The following PTPN14 variants were observed in gnomAD, a reference collection of about 807,000 sequenced individuals.
PTPN14 encodes protein tyrosine phosphatase non-receptor type 14.
Under a neutral mutation model 126.8 loss-of-function variants are expected in PTPN14, and 53 were observed. That is an observed-to-expected ratio of 0.42 (90% confidence interval 0.34 to 0.53). The LOEUF is 0.53. PTPN14 is among the 20% of genes least tolerant of loss of function. The pLI is 0.08. For synonymous variants in PTPN14, 630 were observed against 599.3 expected (o/e 1.05, Z -0.75); for missense variants, 1,257 against 1,552.9 (o/e 0.81, Z 3.20).
In PTPN14 at chr1:214,383,266, T is replaced by C. The variant is rs750378574; in HGVS notation, c.2544+45A>G. 1.9e-6 allele frequency: 3 copies of C among 1,578,746 alleles called. No individual in the cohort carries two copies. The South Asian group carries it at 3.5e-5, about 18-fold the overall frequency. ...TGCCCCTTGCTCAGTGCCTGAAGCA[T>C]GTGCTTTCACACTGGAAAATGCCCT... is the stretch of plus-strand genomic sequence containing the variant. On this transcript the variant is annotated intron_variant, in intron 13 of 18. Transcript: ENST00000366956. This position sits in a 1 kb window ranked among gnomAD's most constrained non-coding sequence, Gnocchi z 4.4.
chr1:214,390,901 G>T, intron 11 of PTPN14, 87 bp downstream of exon 11: 2 of 1,141,054 alleles, frequency 1.8e-6, no homozygotes, highest in Non-Finnish European at 2.4e-6. Flanking sequence ...ACCTCATCAT[G>T]ATGCCCTCAT....
rs1313408265 is a variant in PTPN14, at chr1:214,356,773, G to A, written c.*1149C>T. On this transcript the variant is annotated 3_prime_UTR_variant, in exon 19 of 19. Transcript: ENST00000366956. Reference sequence around the variant, plus strand: ...CCTGAAGATGATATCAGCACAGCGGGGGTCACATTTGATGTGTTTCCTGGC... The same window carrying A: ...CCTGAAGATGATATCAGCACAGCGGAGGTCACATTTGATGTGTTTCCTGGC... 2.0e-5 allele frequency: 3 copies of A among 152,276 alleles called. No homozygotes were observed. The highest frequency in any genetic ancestry group is 4.4e-5 in the Non-Finnish European group (3 of 68,040). 9.4% of individuals were successfully genotyped at this position (152,276 alleles called of 1,614,324 possible).
At chr1:214,449,411 C>T (rs975951833) in intron 3 of PTPN14, among the ~76,000 whole-genome samples, 7 of 152,158 alleles carry the variant, frequency 4.6e-5, no homozygotes, top group Non-Finnish European at 1.0e-4. Flanking sequence ...ATAGGCCTTA[C>T]AGGATAGGTC....
chr1:214,499,613 C>T (rs1370831066), intron 1 of PTPN14, among the ~76,000 whole-genome samples: 1 of 152,072 alleles, frequency 6.6e-6, no homozygotes, highest in Non-Finnish European at 1.5e-5. Flanking sequence ...GTATCTCTTC[C>T]CTCAAAAGAA....
intron 4 of PTPN14, among the ~76,000 whole-genome samples, chr1:214,413,118 C>T (rs1344552093): frequency 6.6e-6 from 1 of 152,170 alleles, no homozygotes; most frequent in Non-Finnish European, 1.5e-5. Context: ...TTCAAGTAAT[C>T]CTCTTGCCTT....
intron 1 of PTPN14, among the ~76,000 whole-genome samples, chr1:214,510,499 C>T (rs1389699828): frequency 6.6e-6 from 1 of 152,190 alleles, no homozygotes; most frequent in South Asian, 2.1e-4. Context: ...ACAAAGATCA[C>T]TTATTTACTT....
chr1:214,437,921 A>G (rs1310336185), intron 3 of PTPN14, among the ~76,000 whole-genome samples: 1 of 152,230 alleles, frequency 6.6e-6, no homozygotes, highest in Non-Finnish European at 1.5e-5. Context: ...GCAATGATCA[A>G]AAACAGATTT....
chr1:214,428,020 C>A (rs1288631821), intron 3 of PTPN14, among the ~76,000 whole-genome samples: 1 of 152,050 alleles, frequency 6.6e-6, no homozygotes, highest in African/African-American at 2.4e-5. Flanking sequence ...AGGGTTCTGA[C>A]GACAGTAAGA....
At chr1:214,389,861 C>A (rs1658709380) in intron 11 of PTPN14, among the ~76,000 whole-genome samples, 1 of 152,180 alleles carries the variant, frequency 6.6e-6, no homozygotes. Context: ...TCTATTGGTA[C>A]TCGGGGGAAA....
chr1:214,358,412 G>A (rs1034132684), intron 18 of PTPN14, among the ~76,000 whole-genome samples: 1 of 152,102 alleles, frequency 6.6e-6, no homozygotes, highest in South Asian at 2.1e-4. Context: ...GGTTACAGGC[G>A]TGGGCCACCA....
chr1:214,380,763 C>T (rs1387842910), intron 13 of PTPN14, among the ~76,000 whole-genome samples: 1 of 152,198 alleles, frequency 6.6e-6, no homozygotes, highest in African/African-American at 2.4e-5. Flanking sequence ...GTGAGGAGAG[C>T]AGAGAAGTAT....
At chr1:214,520,013 A>G (rs1266106358) in intron 1 of PTPN14, among the ~76,000 whole-genome samples, 1 of 143,810 alleles carries the variant, frequency 7.0e-6, no homozygotes, top group Non-Finnish European at 1.5e-5. Context: ...ATGCCACTGC[A>G]CTCCAGCCTG....
intron 2 of PTPN14, among the ~76,000 whole-genome samples, chr1:214,460,412 C>G (rs1048783763): frequency 5.3e-5 from 8 of 151,754 alleles, no homozygotes; most frequent in African/African-American, 1.9e-4. Context: ...ATACACAACA[C>G]ACACACACAC....
intron 7 of PTPN14, among the ~76,000 whole-genome samples, chr1:214,400,973 C>G (rs1314004457): frequency 1.3e-5 from 2 of 152,150 alleles, no homozygotes; most frequent in Non-Finnish European, 2.9e-5. Flanking sequence ...TTGCAGGCAT[C>G]TCCCAAATTG....
At chr1:214,432,297 AT>A (rs775804305) in intron 3 of PTPN14, among the ~76,000 whole-genome samples, 3 of 152,342 alleles carry the variant, frequency 2.0e-5, no homozygotes, top group Admixed American at 2.0e-4. Flanking sequence ...GGTACTTAAC[AT>A]TTGTTTAATG....
intron 3 of PTPN14, among the ~76,000 whole-genome samples, chr1:214,420,038 A>G (rs1005516472): frequency 4.6e-5 from 7 of 152,216 alleles, no homozygotes; most frequent in Non-Finnish European, 8.8e-5. Context: ...TGCACTATCT[A>G]AAAGCTTTTA....
chr1:214,360,422 G>A (rs905222050), intron 18 of PTPN14, among the ~76,000 whole-genome samples: 1 of 152,280 alleles, frequency 6.6e-6, no homozygotes. Flanking sequence ...TTCGAACTAT[G>A]AATCAAAATA....
chr1:214,417,620 G>T (rs2102588908), intron 3 of PTPN14, among the ~76,000 whole-genome samples: 1 of 152,218 alleles, frequency 6.6e-6, no homozygotes, highest in Non-Finnish European at 1.5e-5. Flanking sequence ...AGATCTTCAT[G>T]CTCTCTTTTA....
intron 1 of PTPN14, among the ~76,000 whole-genome samples, chr1:214,467,562 A>C (rs1204854766): frequency 1.7e-5 from 1 of 59,234 alleles, no homozygotes; most frequent in Non-Finnish European, 3.2e-5. Context: ...TGGAATTTTT[A>C]TGATATACAA....
Sources: gnomAD v4.1 joint callset for allele counts (sites outside exome capture counted in the v4.1 genomes callset) on GRCh38, gnomAD v4.1.1 for gene constraint, Gnocchi (gnomAD v3.1) non-coding constraint, MANE v1.5 for transcripts, NCBI Gene and HGNC (gene_info 2026-07-23, HGNC 2026-07-21) for gene names.